The following SYT16 variants were observed in gnomAD, a reference collection of about 807,000 sequenced individuals.
SYT16 encodes the protein synaptotagmin 16.
A neutral mutation model predicts 61.4 loss-of-function variants in SYT16; 42 were observed. The ratio of observed to expected loss-of-function variants is 0.68; its 90% CI spans 0.53 to 0.89. The LOEUF (loss-of-function observed/expected upper bound fraction) is 0.89, where lower values mean the gene tolerates loss of function less well. Among genes scored for constraint, SYT16 ranks in the 40% least tolerant of loss-of-function variants. The pLI is 0.00. For synonymous variants in SYT16, 314 were observed against 302.3 expected (o/e 1.04, Z -0.40); for missense variants, 804 against 807.3 (o/e 1.00, Z 0.05).
chr14:61,915,355 G>A (rs1272583220), intron 1 of SYT16, among the ~76,000 whole-genome samples: 2 of 152,012 alleles, frequency 1.3e-5, no homozygotes, highest in African/African-American at 4.8e-5. Flanking sequence ...CGTGTAATAT[G>A]TAATATAGAT....
chr14:62,071,557 C>T (rs1401565472), intron 4 of SYT16, among the ~76,000 whole-genome samples: 3 of 152,142 alleles, frequency 2.0e-5, no homozygotes, highest in Non-Finnish European at 4.4e-5. Flanking sequence ...CAGAAATAGC[C>T]ACATGCCAAA....
At chr14:62,058,242 G>GT (rs2055654283) in intron 3 of SYT16, among the ~76,000 whole-genome samples, 1 of 151,382 alleles carries the variant, frequency 6.6e-6, no homozygotes, top group Non-Finnish European at 1.5e-5. Flanking sequence ...ATGAACATTT[G>GT]TAAGTCTTTG....
rs1295691102 is a variant in SYT16 at position 62,079,778 on chromosome 14, G to T, written c.994-1056G>T. On this transcript the variant is annotated intron_variant, in intron 5 of 7. Transcript: ENST00000683842. ...TATTGACATTATTTATAATTTGTTA[G>T]TGGGGTGGTTCATTATAATAAATGC... Among the ~76,000 whole-genome samples, 5 of 152,348 alleles carry T rather than the reference G, an allele frequency of 3.3e-5. No individual in the cohort carries two copies. The East Asian group carries it at 9.6e-4, about 29-fold the overall frequency.
At chr14:61,865,180 T>A in intron 1 of SYT16, 1 of 1,175,622 alleles carries the variant, frequency 8.5e-7, no homozygotes, top group Non-Finnish European at 1.3e-6. Context: ...CAGAGGATCG[T>A]GTTTCTGTCA....
At chr14:62,066,682 C>G (rs1469140211) in intron 3 of SYT16, among the ~76,000 whole-genome samples, 2 of 152,142 alleles carry the variant, frequency 1.3e-5, no homozygotes, top group African/African-American at 2.4e-5. Context: ...CACTATTTGA[C>G]TTTGGGATAT....
intron 1 of SYT16, among the ~76,000 whole-genome samples, chr14:61,915,871 C>T (rs2140392802): frequency 6.6e-6 from 1 of 152,308 alleles, no homozygotes; most frequent in Middle Eastern, 3.4e-3. Context: ...AATCCTTTCC[C>T]TGCTGACATC....
intron 1 of SYT16, among the ~76,000 whole-genome samples, chr14:61,835,188 G>A (rs1566616914): frequency 6.6e-6 from 1 of 150,706 alleles, no homozygotes; most frequent in Non-Finnish European, 1.5e-5. Flanking sequence ...GTGGAGTAAT[G>A]TGTATAAGGA....
At chr14:61,828,266 A>C (rs985737851) in intron 1 of SYT16, among the ~76,000 whole-genome samples, 1 of 152,242 alleles carries the variant, frequency 6.6e-6, no homozygotes, top group Non-Finnish European at 1.5e-5. Flanking sequence ...CTAGCAAATG[A>C]ATACACATAC....
intron 3 of SYT16, among the ~76,000 whole-genome samples, chr14:62,050,025 C>G (rs557798555): frequency 1.3e-5 from 2 of 152,262 alleles, no homozygotes; most frequent in South Asian, 4.1e-4. Flanking sequence ...GCCTGCCTTG[C>G]TAGATTTGGG....
intron 1 of SYT16, among the ~76,000 whole-genome samples, chr14:61,917,485 A>T (rs2049165551): frequency 6.6e-6 from 1 of 152,104 alleles, no homozygotes; most frequent in Admixed American, 6.6e-5. Flanking sequence ...CTAGACTTGG[A>T]GCTATGATCA....
intron 3 of SYT16, among the ~76,000 whole-genome samples, chr14:62,057,332 G>A (rs1255132239): frequency 6.6e-6 from 1 of 152,164 alleles, no homozygotes; most frequent in Non-Finnish European, 1.5e-5. Context: ...GCTGAATATG[G>A]CACCAGAAGG....
intron 5 of SYT16, among the ~76,000 whole-genome samples, chr14:62,078,078 G>GTCT (rs2056560917): frequency 6.7e-6 from 1 of 148,366 alleles, no homozygotes; most frequent in African/African-American, 2.5e-5. Context: ...CCCACCTTCC[G>GTCT]TCTTCTCCCC....
At chr14:61,949,041 G>T (rs1015151165) in intron 1 of SYT16, among the ~76,000 whole-genome samples, 2 of 152,206 alleles carry the variant, frequency 1.3e-5, no homozygotes, top group African/African-American at 4.8e-5. Context: ...TAGACCTTGA[G>T]AAGATCCAGC....
intron 1 of SYT16, among the ~76,000 whole-genome samples, chr14:61,967,898 G>C (rs2051381408): frequency 1.3e-5 from 2 of 152,058 alleles, no homozygotes; most frequent in Admixed American, 6.6e-5. Context: ...GGACTTGAGG[G>C]GGCAAGGTTA....
Position 62,065,643 on chromosome 14 carries a change from A to G in SYT16, c.524-3960A>G, listed in dbSNP as rs993190491. Among the ~76,000 whole-genome samples, 6 of 152,216 alleles carry G rather than the reference A, an allele frequency of 3.9e-5. No individual in the cohort carries two copies. The East Asian group carries it at 9.6e-4, about 24-fold the overall frequency. On this transcript the variant is annotated intron_variant, in intron 3 of 7. Transcript: ENST00000683842. ...AAATTTTAAAAATTGGCCTAAAAAT[A>G]TAAATTAGAATGGAATCTCAGAGTT...
intron 6 of SYT16, among the ~76,000 whole-genome samples, chr14:62,081,642 G>A (rs994527650): frequency 1.3e-5 from 2 of 152,188 alleles, no homozygotes; most frequent in African/African-American, 2.4e-5. Context: ...TCTGGGCAAG[G>A]TTCTTAACGG....
intron 3 of SYT16, among the ~76,000 whole-genome samples, chr14:62,007,239 C>A (rs1189826444): frequency 6.6e-6 from 1 of 152,138 alleles, no homozygotes; most frequent in Non-Finnish European, 1.5e-5. Context: ...TGCATTCCAC[C>A]TTTCCTTCCT....
At chr14:62,090,757 G>A (rs984899672) in intron 7 of SYT16, among the ~76,000 whole-genome samples, 2 of 152,164 alleles carry the variant, frequency 1.3e-5, no homozygotes, top group African/African-American at 4.8e-5. Flanking sequence ...TTATGCTGCT[G>A]ATAAAGACGT....
chr14:61,998,677 T>C lies in SYT16; in HGVS notation c.523+2135T>C, dbSNP rs913631583. On this transcript the variant is annotated intron_variant, in intron 3 of 7. Coordinates refer to ENST00000683842, the MANE Select transcript of SYT16 (RefSeq NM_001367656.1). ...ATTTCTTTTTCTTGACTGATTACAC[T>C]GGATAGGGCTTCTATTATCATGTTA... 4.6e-5 allele frequency among the ~76,000 whole-genome samples: 7 copies of C among 152,118 alleles called. No homozygotes were observed. In the East Asian group the frequency reaches 1.2e-3, roughly 25 times the overall value.
Sources: gnomAD v4.1 joint callset for allele counts (sites outside exome capture counted in the v4.1 genomes callset) on GRCh38, gnomAD v4.1.1 for gene constraint, MANE v1.5 for transcripts, NCBI Gene and HGNC (gene_info 2026-07-23, HGNC 2026-07-21) for gene names.